Variants in PRKAR2B observed in about 807,000 individuals in gnomAD.
The protein encoded by PRKAR2B is protein kinase cAMP-dependent type II regulatory subunit beta.
PRKAR2B carries 14 observed loss-of-function variants against 49.9 expected under a neutral mutation model. The ratio of observed to expected loss-of-function variants is 0.28; its 90% CI spans 0.19 to 0.44. PRKAR2B has a LOEUF of 0.44. Ranked by LOEUF, PRKAR2B falls within the 20% of genes least tolerant of loss-of-function variation. PRKAR2B has a pLI of 1.00. For missense variants in PRKAR2B, 393 were observed against 537.9 expected, an observed-to-expected ratio of 0.73 and a Z score of 2.67; for synonymous variants, 196 against 197.7, an observed-to-expected ratio of 0.99 and a Z score of 0.07.
At chr7:107,096,651 G>A (rs954209729) in intron 2 of PRKAR2B, among the ~76,000 whole-genome samples, 1 of 152,100 alleles carries the variant, frequency 6.6e-6, no homozygotes, top group Non-Finnish European at 1.5e-5. Context: ...GGCATGTAGT[G>A]CTATAAATTT....
At chr7:107,102,342 C>T (rs533215732) in intron 2 of PRKAR2B, among the ~76,000 whole-genome samples, 2 of 152,310 alleles carry the variant, frequency 1.3e-5, no homozygotes, top group African/African-American at 4.8e-5. Flanking sequence ...TGGGAACTCC[C>T]CACCCCTTTT....
chr7:107,059,447 T>C (rs1374227386), intron 1 of PRKAR2B, among the ~76,000 whole-genome samples: 1 of 152,070 alleles, frequency 6.6e-6, no homozygotes, highest in Non-Finnish European at 1.5e-5. Context: ...TATTACTACA[T>C]AGGCATTAGG....
At position 107,157,264 on chromosome 7, in the gene PRKAR2B, C is replaced by T; in HGVS notation, c.1063C>T (p.Leu355=). Residue 355 remains leucine, a synonymous_variant, in exon 10 of 11, where the codon CTG becomes TTG. Coordinates refer to ENST00000265717, the MANE Select transcript of PRKAR2B (RefSeq NM_002736.3). ...SRGQYFGELA[L]VTNKPRAASA... is the part of the protein sequence containing the mutation. ...GGGACAGTACTTTGGAGAGCTTGCC[C>T]TGGTAACTAACAAACCTCGAGCAGC... The T allele has an allele frequency of 6.2e-7, 1 of 1,614,224 alleles. No homozygotes were observed. Among genetic ancestry groups the T allele is most frequent in the Non-Finnish European group, 8.5e-7 (1 of 1,180,042 alleles).
At chr7:107,047,603 A>T (rs891234463) in intron 1 of PRKAR2B, among the ~76,000 whole-genome samples, 1 of 152,172 alleles carries the variant, frequency 6.6e-6, no homozygotes, top group African/African-American at 2.4e-5. Context: ...GTATGAGCCT[A>T]TCAGTTTGAC....
intron 5 of PRKAR2B, among the ~76,000 whole-genome samples, chr7:107,144,887 G>T (rs1795861776): frequency 7.0e-6 from 1 of 141,994 alleles, no homozygotes; most frequent in Non-Finnish European, 1.5e-5. Flanking sequence ...TTTTCTATCT[G>T]CCCTCACAGG....
intron 1 of PRKAR2B, among the ~76,000 whole-genome samples, chr7:107,060,606 C>T (rs1444854909): frequency 1.3e-5 from 2 of 151,702 alleles, no homozygotes; most frequent in African/African-American, 2.4e-5. Flanking sequence ...GGATTTCCCT[C>T]CTTCCCTCCC....
At chr7:107,123,434 G>A (rs905935956) in intron 3 of PRKAR2B, among the ~76,000 whole-genome samples, 2 of 152,172 alleles carry the variant, frequency 1.3e-5, no homozygotes, top group East Asian at 3.8e-4. Flanking sequence ...GAAAACACTG[G>A]GGAGAGATTA....
chr7:107,147,333 A>C (rs556899504), intron 6 of PRKAR2B, among the ~76,000 whole-genome samples: 1 of 152,124 alleles, frequency 6.6e-6, no homozygotes, highest in South Asian at 2.1e-4. Flanking sequence ...TCTTACCTAG[A>C]CCTCACCATG....
At chr7:107,120,386 C>T (rs1364515061) in intron 2 of PRKAR2B, among the ~76,000 whole-genome samples, 4 of 152,038 alleles carry the variant, frequency 2.6e-5, no homozygotes, top group Non-Finnish European at 5.9e-5. Flanking sequence ...TTAAGAGTCA[C>T]TGGTTCAGGT....
chr7:107,063,092 C>G (rs1206258544), intron 1 of PRKAR2B, among the ~76,000 whole-genome samples: 1 of 152,170 alleles, frequency 6.6e-6, no homozygotes, highest in Non-Finnish European at 1.5e-5. Context: ...CAACTTCTGC[C>G]TCCCAGGTTT....
At chr7:107,119,202 C>CA (rs1170118311) in intron 2 of PRKAR2B, among the ~76,000 whole-genome samples, 1 of 152,142 alleles carries the variant, frequency 6.6e-6, no homozygotes, top group African/African-American at 2.4e-5. Flanking sequence ...AGTAATGGAT[C>CA]AGAGGGTGGG....
rs147104688 is a variant in PRKAR2B at position 107,099,318 on chromosome 7, G to T, written c.344-22634G>T. 3.9e-3 allele frequency among the ~76,000 whole-genome samples: 594 copies of T among 152,328 alleles called. 2 individuals are homozygous for T. Among genetic ancestry groups the T allele is most frequent in the African/African-American group, 6.3e-3 (261 of 41,568 alleles). ...TGTGGGTGTTGGACCCTCCTAACCA[G>T]GCGCGGGATATAATCTCCTGGTGTG... On this transcript the variant is annotated intron_variant, in intron 2 of 10. Coordinates refer to ENST00000265717, the MANE Select transcript of PRKAR2B (RefSeq NM_002736.3).
intron 1 of PRKAR2B, among the ~76,000 whole-genome samples, chr7:107,056,862 C>T (rs983027856): frequency 9.9e-5 from 15 of 152,182 alleles, no homozygotes; most frequent in African/African-American, 3.1e-4. Context: ...AAAAATACAA[C>T]GTGAGGCTTG....
chr7:107,138,401 T>A (rs1795736623), intron 4 of PRKAR2B, among the ~76,000 whole-genome samples: 1 of 152,224 alleles, frequency 6.6e-6, no homozygotes, highest in Non-Finnish European at 1.5e-5. Context: ...TTAAAACTGC[T>A]CTAAAAAATT....
At chr7:107,056,449 C>T (rs567669312) in intron 1 of PRKAR2B, among the ~76,000 whole-genome samples, 1 of 152,306 alleles carries the variant, frequency 6.6e-6, no homozygotes, top group African/African-American at 2.4e-5. Context: ...TATCCATGAG[C>T]ATGGAATGTT....
At chr7:107,140,169 A>G (rs1006046200) in intron 4 of PRKAR2B, among the ~76,000 whole-genome samples, 2 of 152,208 alleles carry the variant, frequency 1.3e-5, no homozygotes. Context: ...AGCCTTGTCA[A>G]TCACACTTTG....
At chr7:107,118,065 A>C (rs1453564958) in intron 2 of PRKAR2B, among the ~76,000 whole-genome samples, 1 of 152,208 alleles carries the variant, frequency 6.6e-6, no homozygotes, top group Non-Finnish European at 1.5e-5. Flanking sequence ...ATTGCGTAGG[A>C]GGCATGGGGC....
In PRKAR2B at chr7:107,085,495, T is replaced by C. The variant is rs76802659; in HGVS notation, c.343+15179T>C. Among the ~76,000 whole-genome samples the C allele has an allele frequency of 2.1e-3, 319 of 152,296 alleles. 9 individuals are homozygous for C. In the East Asian group the frequency reaches 0.054, roughly 26 times the overall value. The stretch of plus-strand genomic sequence containing the variant: ...AAACTTTTATTATAAAATTGATAAA[T>C]GCTTATGGTAAAAAAGTGAAGTAGT... On this transcript the variant is annotated intron_variant, in intron 2 of 10. Coordinates refer to ENST00000265717, the MANE Select transcript of PRKAR2B (RefSeq NM_002736.3).
chr7:107,138,936 C>G (rs1275538479), intron 4 of PRKAR2B, among the ~76,000 whole-genome samples: 1 of 152,058 alleles, frequency 6.6e-6, no homozygotes, highest in African/African-American at 2.4e-5. Context: ...GCCTTGGCCT[C>G]CCAAAGTGCT....
Sources: gnomAD v4.1 joint callset for allele counts (sites outside exome capture counted in the v4.1 genomes callset) on GRCh38, gnomAD v4.1.1 for gene constraint, MANE v1.5 for transcripts, NCBI Gene and HGNC (gene_info 2026-07-23, HGNC 2026-07-21) for gene names.